EIF2S1: variants seen among roughly 807,000 people sequenced by gnomAD.
EIF2S1 encodes eukaryotic translation initiation factor 2 subunit alpha, also known as eukaryotic translation initiation factor 2 subunit 1.
Under a neutral mutation model 33.5 loss-of-function variants are expected in EIF2S1, and 5 were observed. The ratio of observed to expected loss-of-function variants is 0.15; its 90% CI spans 0.08 to 0.31. The LOEUF is 0.31. EIF2S1 is among the 10% of genes least tolerant of loss of function. EIF2S1 has a pLI of 1.00. For synonymous variants in EIF2S1, 99 were observed against 127.5 expected (o/e 0.78, Z 1.51); for missense variants, 191 against 384.6 (o/e 0.50, Z 4.21).
chr14:67,372,629 G>A (rs61988180), intron 2 of EIF2S1, among the ~76,000 whole-genome samples: 10,549 of 152,204 alleles, frequency 0.069, 536 homozygotes, highest in Non-Finnish European at 0.11. Flanking sequence ...AGGAGATTGA[G>A]ACTATCCTGG....
intron 7 of EIF2S1, 109 bp downstream of exon 7, chr14:67,382,699 A>T (rs747630021): frequency 1.2e-5 from 15 of 1,287,684 alleles, no homozygotes; most frequent in Non-Finnish European, 1.7e-5. Flanking sequence ...TAGGATGGTC[A>T]TTCAGGCCTT....
At chr14:67,362,122 G>C (rs2085746830) in intron 1 of EIF2S1, among the ~76,000 whole-genome samples, 1 of 150,950 alleles carries the variant, frequency 6.6e-6, no homozygotes, top group African/African-American at 2.4e-5. Context: ...CTGGGTTCAA[G>C]GGATTCTCCT....
At position 67,368,855 on chromosome 14, in the gene EIF2S1, T is replaced by C. The variant is rs183077133; in HGVS notation, c.241+3847T>C. Reference sequence around the variant, plus strand: ...CTGGGCAACATAGTGAAACTATCTCTAGAAATAAGTAAGTAAAATACAAAA... The same window carrying C: ...CTGGGCAACATAGTGAAACTATCTCCAGAAATAAGTAAGTAAAATACAAAA... On this transcript the variant is annotated intron_variant, in intron 2 of 7. Coordinates refer to ENST00000256383, the MANE Select transcript of EIF2S1 (RefSeq NM_004094.5). Among the ~76,000 whole-genome samples the C allele has an allele frequency of 1.5e-3, 225 of 152,284 alleles. 1 individual carries two copies. The highest frequency in any genetic ancestry group is 1.5e-3 in the Non-Finnish European group (99 of 68,016).
rs1289272548 is a variant in EIF2S1, at chr14:67,385,399, C to T, written c.*1959C>T. 6.7e-6 allele frequency: 1 copy of T among 148,418 alleles called. No homozygotes were observed. The highest frequency in any genetic ancestry group is 1.5e-5 in the Non-Finnish European group (1 of 67,394). 9.2% of individuals were successfully genotyped at this position (148,418 alleles called of 1,614,324 possible). On this transcript the variant is annotated 3_prime_UTR_variant, in exon 8 of 8. Transcript: ENST00000256383. ...TGAGGCCAGTGAGCTGTGATCACTC[C>T]AGTGCACTCGAGCCTGGGTGACAGG...
chr14:67,360,421 C>T lies in EIF2S1; in HGVS notation c.-37C>T, dbSNP rs1390211812. 6 of 392,830 alleles carry T rather than the reference C, an allele frequency of 1.5e-5. No individual in the cohort carries two copies. Among genetic ancestry groups the T allele is most frequent in the Admixed American group, 4.4e-5 (1 of 22,488 alleles). 24.3% of individuals were successfully genotyped at this position (392,830 alleles called of 1,614,324 possible). The stretch of plus-strand genomic sequence containing the variant: ...GTCTCTGTGATTGAAGAAGTCGGCT[C>T]TGGGCTCCAGTGCGGGAATCACACA... On this transcript the variant is annotated 5_prime_UTR_variant, in exon 1 of 8. Coordinates refer to ENST00000256383, the MANE Select transcript of EIF2S1 (RefSeq NM_004094.5).
chr14:67,382,697 T>C, intron 7 of EIF2S1, 107 bp downstream of exon 7: 4 of 1,301,848 alleles, frequency 3.1e-6, no homozygotes, highest in Non-Finnish European at 3.3e-6. Context: ...TGTAGGATGG[T>C]CATTCAGGCC....
At chr14:67,364,234 GTT>G (rs2085759978) in intron 1 of EIF2S1, 1 of 152,086 alleles carries the variant, frequency 6.6e-6, no homozygotes, top group Non-Finnish European at 1.5e-5. Context: ...AGTTTTTGTT[GTT>G]TTGACATGTG....
In EIF2S1 at chr14:67,364,772, C is replaced by T. The variant is rs559407878; in HGVS notation, c.5C>T (p.Pro2Leu). The T allele has an allele frequency of 1.9e-6, 3 of 1,607,088 alleles. No individual in the cohort carries two copies. Among genetic ancestry groups the T allele is most frequent in the African/African-American group, 1.3e-5 (1 of 74,634 alleles). ...TTCTTTTGTTTAAATTGCAGAATGCCGGGTCTAAGTTGTAGATTTTATCAA... is the reference window on the plus strand; with the variant it reads ...TTCTTTTGTTTAAATTGCAGAATGCTGGGTCTAAGTTGTAGATTTTATCAA... M[P>L]GLSCRFYQHK... Residue 2 changes from proline to leucine, a missense_variant, in exon 2 of 8, where the codon CCG (proline) becomes CTG (leucine). Physicochemically the swap from Pro to Leu is moderately conservative, Grantham distance 98 (BLOSUM62 -3). Coordinates refer to ENST00000256383, the MANE Select transcript of EIF2S1 (RefSeq NM_004094.5).
intron 5 of EIF2S1, among the ~76,000 whole-genome samples, chr14:67,381,317 C>A (rs2085886751): frequency 6.6e-6 from 1 of 152,162 alleles, no homozygotes; most frequent in South Asian, 2.1e-4. Context: ...ACCATTTACA[C>A]AAATGTTCTT....
chr14:67,361,519 G>T (rs1253721761), intron 1 of EIF2S1, among the ~76,000 whole-genome samples: 1 of 152,182 alleles, frequency 6.6e-6, no homozygotes, highest in African/African-American at 2.4e-5. Context: ...ATACGTGTTA[G>T]ATCCAAATTA....
chr14:67,384,578 A>G lies in EIF2S1; in HGVS notation c.*1138A>G, dbSNP rs2085908674. 1 of 152,130 alleles carries G rather than the reference A, an allele frequency of 6.6e-6. No homozygotes were observed. Among genetic ancestry groups the G allele is most frequent in the African/African-American group, 2.4e-5 (1 of 41,424 alleles). 9.4% of individuals were successfully genotyped at this position (152,130 alleles called of 1,614,324 possible). A position where few individuals can be genotyped will look rare whatever the true frequency, so the allele number is the denominator to read the frequency against. On this transcript the variant is annotated 3_prime_UTR_variant, in exon 8 of 8. Coordinates refer to ENST00000256383, the MANE Select transcript of EIF2S1 (RefSeq NM_004094.5). ...ATTTAATTTTATTCATTATCCCTAG[A>G]TAGCTATTAAGATACTTAGATTAGA...
At chr14:67,369,297 G>A (rs1330579243) in intron 2 of EIF2S1, among the ~76,000 whole-genome samples, 1 of 152,150 alleles carries the variant, frequency 6.6e-6, no homozygotes. Context: ...AATGATAAAG[G>A]GTCAATTTGT....
intron 4 of EIF2S1, among the ~76,000 whole-genome samples, chr14:67,380,108 C>T (rs1409848986): frequency 2.0e-5 from 3 of 152,102 alleles, no homozygotes; most frequent in African/African-American, 7.2e-5. Flanking sequence ...TTTTACAGTG[C>T]TACTCCTCTT....
At position 67,383,589 on chromosome 14, in the gene EIF2S1, T is replaced by C; in HGVS notation, c.*149T>C. 1 of 1,143,010 alleles carries C rather than the reference T, an allele frequency of 8.7e-7. No individual in the cohort carries two copies. The highest frequency in any genetic ancestry group is 1.2e-6 in the Non-Finnish European group (1 of 806,928). 70.8% of individuals were successfully genotyped at this position (1,143,010 alleles called of 1,614,324 possible). On this transcript the variant is annotated 3_prime_UTR_variant, in exon 8 of 8. Transcript: ENST00000256383. The stretch of plus-strand genomic sequence containing the variant: ...TTAAATGTTCTAACAGATCAGAACA[T>C]GAAATGCCCTCCTAAATGTCAGCTG...
At chr14:67,361,730 C>T (rs997178150) in intron 1 of EIF2S1, among the ~76,000 whole-genome samples, 1 of 152,148 alleles carries the variant, frequency 6.6e-6, no homozygotes, top group African/African-American at 2.4e-5. Context: ...GTGGCTGATA[C>T]TTTTTACATC....
At chr14:67,375,658 G>A (rs1402416408) in intron 3 of EIF2S1, among the ~76,000 whole-genome samples, 1 of 152,146 alleles carries the variant, frequency 6.6e-6, no homozygotes, top group African/African-American at 2.4e-5. Context: ...TGTATTTACA[G>A]TTATGCAGTG....
At chr14:67,362,101 A>G (rs555889439) in intron 1 of EIF2S1, among the ~76,000 whole-genome samples, 1 of 145,160 alleles carries the variant, frequency 6.9e-6, no homozygotes, top group Admixed American at 7.2e-5. Context: ...AGCTCACTGT[A>G]GCCTCTGCCC....
chr14:67,372,265 A>C (rs1279974848), intron 2 of EIF2S1, among the ~76,000 whole-genome samples: 2 of 152,218 alleles, frequency 1.3e-5, no homozygotes, highest in East Asian at 3.8e-4. Context: ...GCAAAAAAGA[A>C]CCTCAATTCA....
At position 67,381,699 on chromosome 14, in the gene EIF2S1, T is replaced by C. The variant is rs1168924820; in HGVS notation, c.678+9T>C. 1 of 1,597,968 alleles carries C rather than the reference T, an allele frequency of 6.3e-7. No homozygotes were observed. The highest frequency in any genetic ancestry group is 8.6e-7 in the Non-Finnish European group (1 of 1,166,730). On this transcript the variant is annotated intron_variant, in intron 6 of 7. Transcript: ENST00000256383. ...AAAACATGCCCATTAAGGTGAGTCA[T>C]GAGTTGTCTCCCTCCCTGCTGAAAT...
Sources: gnomAD v4.1 joint callset for allele counts (sites outside exome capture counted in the v4.1 genomes callset) on GRCh38, gnomAD v4.1.1 for gene constraint, MANE v1.5 for transcripts, NCBI Gene and HGNC (gene_info 2026-07-23, HGNC 2026-07-21) for gene names.